Variants in BAIAP2 observed in about 807,000 individuals in gnomAD.
BAIAP2 encodes BAR/IMD domain containing adaptor protein 2, also known as BAR/IMD domain-containing adapter protein 2.
Under a neutral mutation model 63.0 loss-of-function variants are expected in BAIAP2, and 18 were observed. The observed-to-expected ratio is 0.29, with a 90% CI of 0.20 to 0.42. BAIAP2 has a LOEUF of 0.42. Among genes scored for constraint, BAIAP2 ranks in the 10% least tolerant of loss-of-function variants. The probability of loss-of-function intolerance (pLI) is 1.00; values close to 1 mark genes in which losing one functional copy is unlikely to be tolerated. For missense variants in BAIAP2, 610 were observed against 734.3 expected, an observed-to-expected ratio of 0.83 and a Z score of 1.96; for synonymous variants, 386 against 307.6, an observed-to-expected ratio of 1.25 and a Z score of -2.67.
intron 1 of BAIAP2, among the ~76,000 whole-genome samples, chr17:81,038,880 A>G (rs1224712330): frequency 4.8e-5 from 6 of 125,860 alleles, no homozygotes; most frequent in Admixed American, 1.6e-4. Context: ...ACCTCCTGGC[A>G]TTGGAGTCGC....
intron 7 of BAIAP2, 65 bp from the exon 8 acceptor site, chr17:81,103,437 G>C: frequency 6.9e-7 from 1 of 1,447,388 alleles, no homozygotes; most frequent in Non-Finnish European, 9.4e-7. Context: ...GGCCCTCAGC[G>C]CTGTGCCTGG....
chr17:81,075,731 G>T (rs2053555463), intron 3 of BAIAP2, among the ~76,000 whole-genome samples: 1 of 152,142 alleles, frequency 6.6e-6, no homozygotes, highest in South Asian at 2.1e-4. Flanking sequence ...CCCCCAGGTA[G>T]GGGCCACTTA....
intron 13 of BAIAP2, chr17:81,110,441 C>T: frequency 1.0e-6 from 1 of 994,244 alleles, no homozygotes; most frequent in Non-Finnish European, 1.2e-6. Context: ...TGTTTCCTTT[C>T]CTTTTTTTTA....
At chr17:81,114,408 G>A (rs531275245) in intron 13 of BAIAP2, among the ~76,000 whole-genome samples, 49 of 152,234 alleles carry the variant, frequency 3.2e-4, no homozygotes, top group Admixed American at 2.2e-3. Context: ...AGTGATGGAG[G>A]TGGAATCCTC....
At chr17:81,065,001 A>G (rs969016750) in intron 3 of BAIAP2, among the ~76,000 whole-genome samples, 4 of 152,212 alleles carry the variant, frequency 2.6e-5, no homozygotes, top group East Asian at 1.9e-4. Flanking sequence ...AATCCCCGCC[A>G]TGGTGTTTCT....
chr17:81,060,999 C>CTG (rs1406403322), intron 3 of BAIAP2, among the ~76,000 whole-genome samples: 1 of 152,206 alleles, frequency 6.6e-6, no homozygotes, highest in Admixed American at 6.5e-5. Context: ...TGGCATGCGC[C>CTG]TGTAATCCCA....
At chr17:81,053,010 G>GTTGT (rs1008099678) in intron 1 of BAIAP2, among the ~76,000 whole-genome samples, 25 of 152,342 alleles carry the variant, frequency 1.6e-4, no homozygotes, top group African/African-American at 6.0e-4. Flanking sequence ...TCATTTGGCT[G>GTTGT]TTGTTTGTGT....
intron 5 of BAIAP2, 101 bp downstream of exon 5, chr17:81,085,826 C>A: frequency 2.3e-6 from 2 of 888,530 alleles, no homozygotes; most frequent in East Asian, 2.5e-5. Flanking sequence ...CCCACTTCCC[C>A]GAGCTCCCCG....
At chr17:81,064,342 C>T (rs751531974) in intron 3 of BAIAP2, among the ~76,000 whole-genome samples, 11 of 152,214 alleles carry the variant, frequency 7.2e-5, no homozygotes, top group Non-Finnish European at 1.5e-4. Flanking sequence ...TCTTCAGCCC[C>T]GTCAGGATGA....
At chr17:81,056,996 C>T (rs992085702) in intron 2 of BAIAP2, among the ~76,000 whole-genome samples, 2 of 152,238 alleles carry the variant, frequency 1.3e-5, no homozygotes, top group African/African-American at 2.4e-5. Context: ...CCTCTGTGGA[C>T]GTGGTCTTGT....
intron 1 of BAIAP2, among the ~76,000 whole-genome samples, chr17:81,048,908 G>C (rs1034746618): frequency 1.3e-5 from 2 of 152,364 alleles, no homozygotes; most frequent in African/African-American, 4.8e-5. Flanking sequence ...CGCGGCATGC[G>C]TCCTATGAGG....
chr17:81,114,626 A>G (rs1165620080), intron 13 of BAIAP2, among the ~76,000 whole-genome samples: 1 of 152,200 alleles, frequency 6.6e-6, no homozygotes, highest in Non-Finnish European at 1.5e-5. Flanking sequence ...TCTTCCACGT[A>G]CTTTATTCTC....
intron 9 of BAIAP2, 47 bp downstream of exon 9, chr17:81,104,155 C>T (rs1342469807): frequency 1.9e-6 from 3 of 1,596,642 alleles, no homozygotes; most frequent in East Asian, 2.3e-5. Flanking sequence ...GGACGTGCCT[C>T]CTCAGACCCT....
intron 3 of BAIAP2, among the ~76,000 whole-genome samples, chr17:81,080,265 C>G (rs562368957): frequency 1.6e-4 from 25 of 152,272 alleles, no homozygotes; most frequent in Non-Finnish European, 2.6e-4. Context: ...GGGTTAAGTG[C>G]TGGTGGCCGG....
At chr17:81,075,560 G>A (rs559815781) in intron 3 of BAIAP2, among the ~76,000 whole-genome samples, 66 of 152,354 alleles carry the variant, frequency 4.3e-4, no homozygotes, top group African/African-American at 1.6e-3. Context: ...CTGTGTCAGA[G>A]CAGTGCCTGC....
rs1381225094 is a variant in BAIAP2, at chr17:81,104,733, G to A, written c.1268+18G>A. On this transcript the variant is annotated intron_variant, in intron 10 of 13. Transcript: ENST00000428708. ...ACCAAGATGTGAGTGTTTCTCGGGG[G>A]CGGGCTCCAGGCAGCCGCTGCCTTC... 3 of 1,547,470 alleles carry A rather than the reference G, an allele frequency of 1.9e-6. No individual in the cohort carries two copies. Among genetic ancestry groups the A allele is most frequent in the Non-Finnish European group, 2.6e-6 (3 of 1,142,592 alleles).
At chr17:81,049,715 AGAGCTG>A (rs1487459958) in intron 1 of BAIAP2, among the ~76,000 whole-genome samples, 1 of 152,190 alleles carries the variant, frequency 6.6e-6, no homozygotes, top group Non-Finnish European at 1.5e-5. Context: ...TCATTCCGGA[AGAGCTG>A]GAGCTGCCTG....
At chr17:81,096,476 C>T (rs532116394) in intron 6 of BAIAP2, among the ~76,000 whole-genome samples, 64 of 152,392 alleles carry the variant, frequency 4.2e-4, no homozygotes, top group African/African-American at 1.4e-3. Flanking sequence ...CCCAGCATCC[C>T]TGGCAGTTCC....
At position 81,055,574 on chromosome 17, in the gene BAIAP2, G is replaced by GTTTTTTTTTTTTTTT. The variant is rs1555657874; in HGVS notation, c.130+1840_130+1841insTTTTTTTTTTTTTTT. ...CCAGCGAAAGTCTGCAGGGTGTTTT[G>GTTTTTTTTTTTTTTT]TTTTTTTTTGAGACGGAGTCTCACT... On this transcript the variant is annotated intron_variant, in intron 2 of 13. Coordinates refer to ENST00000428708, the MANE Select transcript of BAIAP2 (RefSeq NM_001144888.2). Among the ~76,000 whole-genome samples, 4 of 123,402 alleles carry GTTTTTTTTTTTTTTT rather than the reference G, an allele frequency of 3.2e-5. 1 individual carries two copies. Among genetic ancestry groups the GTTTTTTTTTTTTTTT allele is most frequent in the African/African-American group, 8.6e-5 (3 of 34,790 alleles). 81.0% of individuals were successfully genotyped at this position (123,402 alleles called of 152,430 possible). A position where few individuals can be genotyped will look rare whatever the true frequency, so the allele number is the denominator to read the frequency against.
Sources: allele counts gnomAD v4.1 joint callset (sites outside exome capture counted in the v4.1 genomes callset), GRCh38; gene constraint gnomAD v4.1.1; transcripts MANE v1.5; gene names NCBI Gene and HGNC (gene_info 2026-07-23, HGNC 2026-07-21).